ALKBH8: variants seen among roughly 807,000 people sequenced by gnomAD.
The protein encoded by ALKBH8 is tRNA (carboxymethyluridine(34)-5-O)-methyltransferase ALKBH8.
In ALKBH8, 36 loss-of-function variants were observed where a neutral mutation model predicts 59.8. That is an observed-to-expected ratio of 0.60 (90% CI 0.46 to 0.79). The LOEUF is 0.79. Ranked by LOEUF, ALKBH8 falls within the 30% of genes least tolerant of loss-of-function variation. ALKBH8 has a pLI of 0.00. For synonymous variants in ALKBH8, 276 were observed against 273.6 expected (o/e 1.01, Z -0.09); for missense variants, 768 against 801.0 (o/e 0.96, Z 0.50).
At chr11:107,520,771 C>T (rs762832304) in intron 10 of ALKBH8, among the ~76,000 whole-genome samples, 3 of 152,126 alleles carry the variant, frequency 2.0e-5, no homozygotes, top group Non-Finnish European at 2.9e-5. Context: ...TGATGAAAGG[C>T]TATTCTTTTA....
chr11:107,506,934 A>G (rs1487934287), intron 11 of ALKBH8, among the ~76,000 whole-genome samples: 1 of 152,174 alleles, frequency 6.6e-6, no homozygotes, highest in East Asian at 1.9e-4. Flanking sequence ...AGTAGCATAT[A>G]ATAATAATGC....
intron 6 of ALKBH8, among the ~76,000 whole-genome samples, chr11:107,550,076 T>C (rs1046499540): frequency 2.0e-5 from 3 of 152,196 alleles, no homozygotes; most frequent in Non-Finnish European, 4.4e-5. Flanking sequence ...AGTCACTGAT[T>C]AACTAGGACA....
intron 7 of ALKBH8, among the ~76,000 whole-genome samples, chr11:107,539,148 GA>G (rs913152084): frequency 2.0e-5 from 3 of 152,200 alleles, no homozygotes; most frequent in Non-Finnish European, 4.4e-5. Context: ...TTGCTAAGCT[GA>G]AAAGTAACTG....
chr11:107,535,071 C>T (rs375428657), intron 7 of ALKBH8, among the ~76,000 whole-genome samples: 4 of 152,138 alleles, frequency 2.6e-5, no homozygotes, highest in South Asian at 2.1e-4. Flanking sequence ...CAGGTTGCTG[C>T]GAATGTCATT....
rs760741899 is a variant in ALKBH8 at position 107,522,508 on chromosome 11, A to G, written c.1078T>C (p.Phe360Leu). ...DSQRKETPPS[F>L]PESDKEASRL... ...GAGGCTTCTTTATCACTCTCTGGAA[A>G]TGAGGGGGGAGTCTCTTTCCTCTGG... The change falls in exon 10 of 12, where the codon TTT becomes CTT. Residue 360 changes from phenylalanine (F) to leucine (L), a missense_variant. Transcript: ENST00000428149. 4 of 1,551,548 alleles carry G rather than the reference A, an allele frequency of 2.6e-6. No homozygotes were observed. The highest frequency in any genetic ancestry group is 3.5e-6 in the Non-Finnish European group (4 of 1,146,974).
chr11:107,503,577 C>A lies in ALKBH8; in HGVS notation c.*1081G>T, dbSNP rs372800631. The A allele has an allele frequency of 6.7e-6, 1 of 148,714 alleles. No homozygotes were observed. Among genetic ancestry groups the A allele is most frequent in the Non-Finnish European group, 1.5e-5 (1 of 67,944 alleles). The allele number at this position is 148,714 out of a possible 1,614,324, so 9.2% of individuals were successfully genotyped here. ...ACCTTTGTTCCTCCAGGAAATCTAA[C>A]CTAAGTGGTAAGTTAACTGGGTTAC... On this transcript the variant is annotated 3_prime_UTR_variant, in exon 12 of 12. Transcript: ENST00000428149.
chr11:107,528,856 T>C (rs538787831), intron 8 of ALKBH8, among the ~76,000 whole-genome samples: 5 of 152,158 alleles, frequency 3.3e-5, no homozygotes, highest in Non-Finnish European at 7.4e-5. Flanking sequence ...AATAGTTCAA[T>C]ATAATAGAAG....
At chr11:107,544,815 CCACACACACACACACACA>C (rs5794557) in intron 7 of ALKBH8, among the ~76,000 whole-genome samples, 75 of 138,556 alleles carry the variant, frequency 5.4e-4, no homozygotes, top group Non-Finnish European at 9.5e-4. Context: ...TAGATACAAA[CCACACACACACACACACA>C]CACACACACA....
chr11:107,512,578 G>A (rs745652518), intron 10 of ALKBH8, among the ~76,000 whole-genome samples: 3 of 152,126 alleles, frequency 2.0e-5, no homozygotes, highest in Non-Finnish European at 4.4e-5. Flanking sequence ...CTCCCAAAGT[G>A]CTGGGATTAC....
At chr11:107,539,339 C>T (rs949438042) in intron 7 of ALKBH8, among the ~76,000 whole-genome samples, 1 of 152,196 alleles carries the variant, frequency 6.6e-6, no homozygotes, top group Non-Finnish European at 1.5e-5. Flanking sequence ...GTGGCTCACG[C>T]CTGTAATCCC....
chr11:107,558,664 C>T (rs1864810179), intron 2 of ALKBH8, among the ~76,000 whole-genome samples: 2 of 152,000 alleles, frequency 1.3e-5, no homozygotes, highest in Non-Finnish European at 2.9e-5. Context: ...AGGAGAGGAA[C>T]TTATTTTCCA....
Position 107,551,910 on chromosome 11 carries a change from G to GAC in ALKBH8, c.596_597dup (p.Leu200ValfsTer14). On this transcript the variant is annotated frameshift_variant and splice_region_variant, in exon 6 of 12. Transcript: ENST00000428149. LOFTEE classifies it high-confidence loss of function. Reference sequence around the variant, plus strand: ...AAAAAGCTTTCACAAATGTCAGGAAGACCTACAATGAGTAATCATAAAGAC... The same window carrying GAC: ...AAAAAGCTTTCACAAATGTCAGGAAGACACCTACAATGAGTAATCATAAAGAC... 1 of 1,471,478 alleles carries GAC rather than the reference G, an allele frequency of 6.8e-7. No homozygotes were observed. Among genetic ancestry groups the GAC allele is most frequent in the Non-Finnish European group, 9.0e-7 (1 of 1,106,712 alleles). 91.2% of individuals were successfully genotyped at this position (1,471,478 alleles called of 1,614,324 possible).
At chr11:107,518,819 G>GA (rs1862983136) in intron 10 of ALKBH8, among the ~76,000 whole-genome samples, 2 of 102,160 alleles carry the variant, frequency 2.0e-5, no homozygotes, top group African/African-American at 7.4e-5. Flanking sequence ...TAAATCTCTG[G>GA]GGCTCTCAGC....
In ALKBH8 at chr11:107,534,406, A is replaced by G. The variant is rs1289915089; in HGVS notation, c.772-2000T>C. The stretch of plus-strand genomic sequence containing the variant: ...TCTAATTTGTTAGACAAATTTTATT[A>G]ATCGTTTGGTGAGATATCAAAGGCT... On this transcript the variant is annotated intron_variant, in intron 7 of 11. Coordinates refer to ENST00000428149, the MANE Select transcript of ALKBH8 (RefSeq NM_138775.3). Among the ~76,000 whole-genome samples the G allele has an allele frequency of 3.3e-5, 5 of 152,328 alleles. No homozygotes were observed. The East Asian group carries it at 7.7e-4, about 23-fold the overall frequency.
At chr11:107,558,282 A>G (rs1419386586) in intron 2 of ALKBH8, among the ~76,000 whole-genome samples, 1 of 152,216 alleles carries the variant, frequency 6.6e-6, no homozygotes, top group Non-Finnish European at 1.5e-5. Context: ...CTGTTTTGTC[A>G]TGGGACAGCC....
chr11:107,512,315 T>TTGTC (rs57474991), intron 10 of ALKBH8, among the ~76,000 whole-genome samples: 40,006 of 150,680 alleles, frequency 0.27, 6,124 homozygotes, highest in East Asian at 0.47. Context: ...TTTTTTTTGT[T>TTGTC]TGTTTGTTTT....
intron 1 of ALKBH8, 67 bp from the exon 2 acceptor site, chr11:107,560,966 T>C (rs1864914140): frequency 7.4e-7 from 1 of 1,354,800 alleles, no homozygotes; most frequent in Non-Finnish European, 1.0e-6. Flanking sequence ...ATAATGATGT[T>C]ATTCATACAT....
intron 11 of ALKBH8, among the ~76,000 whole-genome samples, chr11:107,509,412 G>A (rs1862528914): frequency 6.6e-6 from 1 of 152,018 alleles, no homozygotes; most frequent in Non-Finnish European, 1.5e-5. Flanking sequence ...TTCCTTATCA[G>A]ATATACAATT....
intron 7 of ALKBH8, among the ~76,000 whole-genome samples, chr11:107,538,601 T>G (rs1286836501): frequency 6.6e-6 from 1 of 152,180 alleles, no homozygotes; most frequent in East Asian, 1.9e-4. Flanking sequence ...AACAAACCCT[T>G]AGACATTCTC....
Sources: allele counts gnomAD v4.1 joint callset (sites outside exome capture counted in the v4.1 genomes callset), GRCh38; gene constraint gnomAD v4.1.1; transcripts MANE v1.5; gene names NCBI Gene and HGNC (gene_info 2026-07-23, HGNC 2026-07-21).